The following GLI3 variants were observed in gnomAD, a reference collection of about 807,000 sequenced individuals.
GLI3 encodes GLI family zinc finger 3.
GLI3 carries 20 observed loss-of-function variants against 100.8 expected under a neutral mutation model. That is an observed-to-expected ratio of 0.20 (90% confidence interval 0.14 to 0.29). The LOEUF is 0.29. Among genes scored for constraint, GLI3 ranks in the 10% least tolerant of loss-of-function variants. GLI3 has a pLI of 1.00. For synonymous variants in GLI3, 938 were observed against 860.5 expected (o/e 1.09, Z -1.58); for missense variants, 2,040 against 2,128.5 (o/e 0.96, Z 0.82).
chr7:42,176,643 T>C (rs117671108), intron 2 of GLI3, among the ~76,000 whole-genome samples: 30 of 152,350 alleles, frequency 2.0e-4, no homozygotes, highest in Non-Finnish European at 3.5e-4. Flanking sequence ...CCCTAGGCTA[T>C]TGAGAAAAAT....
intron 10 of GLI3, among the ~76,000 whole-genome samples, chr7:42,010,183 A>C (rs146393859): frequency 6.6e-6 from 1 of 152,278 alleles, no homozygotes; most frequent in Non-Finnish European, 1.5e-5. Flanking sequence ...TGACACTCGG[A>C]GCTGCTCCTG....
chr7:42,184,821 G>A (rs987989190), intron 2 of GLI3, among the ~76,000 whole-genome samples: 4 of 151,992 alleles, frequency 2.6e-5, no homozygotes, highest in Admixed American at 6.5e-5. Context: ...GTCTCAGTAC[G>A]ACTTGGGACA....
intron 9 of GLI3, among the ~76,000 whole-genome samples, chr7:42,023,932 C>T (rs1372859358): frequency 1.3e-5 from 2 of 151,966 alleles, no homozygotes; most frequent in Non-Finnish European, 2.9e-5. Flanking sequence ...AAACGTAAAA[C>T]AAACAAACAA....
chr7:42,245,704 C>T (rs1444943893), intron 1 of GLI3, among the ~76,000 whole-genome samples: 3 of 151,144 alleles, frequency 2.0e-5, no homozygotes, highest in Admixed American at 6.6e-5. Context: ...AAAAACAAAA[C>T]AAAACAAAAA....
chr7:41,965,932 C>T lies in GLI3; in HGVS notation c.3141G>A (p.Gln1047=), dbSNP rs201820452. ...GGCCGCCCTCGGGCCGCGTGTAATT[C>T]TGAAGCACGAGACTGCGCTTCTCCG... ...TSAEKRSLVL[Q]NYTRPEGGQS... The change falls in exon 15 of 15, where the codon CAG becomes CAA. Residue 1047 remains glutamine (Q), a synonymous_variant. Coordinates refer to ENST00000395925, the MANE Select transcript of GLI3 (RefSeq NM_000168.6). 5.6e-6 allele frequency: 9 copies of T among 1,613,082 alleles called. No individual in the cohort carries two copies. In the African/African-American group the frequency reaches 1.1e-4, roughly 19 times the overall value.
chr7:42,184,124 C>T (rs1229335490), intron 2 of GLI3, among the ~76,000 whole-genome samples: 1 of 152,240 alleles, frequency 6.6e-6, no homozygotes, highest in Non-Finnish European at 1.5e-5. Flanking sequence ...ATGCTAAGCA[C>T]TCTCTAGGAG....
Position 42,076,736 on chromosome 7 carries a change from A to T in GLI3, c.473+16T>A. 6.9e-7 allele frequency: 1 copy of T among 1,450,336 alleles called. No individual in the cohort carries two copies. Among genetic ancestry groups the T allele is most frequent in the Non-Finnish European group, 9.7e-7 (1 of 1,030,090 alleles). 89.8% of individuals were successfully genotyped at this position (1,450,336 alleles called of 1,614,324 possible). ...TCTCGTTCCATTTCATTAATGAAGA[A>T]AGTGTTAATACTTACATATGCAATG... On this transcript the variant is annotated intron_variant, in intron 4 of 14. Transcript: ENST00000395925.
At chr7:42,050,898 A>G (rs563517970) in intron 4 of GLI3, among the ~76,000 whole-genome samples, 1 of 152,206 alleles carries the variant, frequency 6.6e-6, no homozygotes, top group Non-Finnish European at 1.5e-5. Context: ...AGGAAAACCA[A>G]TCAGCATCTA....
At chr7:42,117,935 A>G (rs1307484435) in intron 3 of GLI3, among the ~76,000 whole-genome samples, 1 of 152,164 alleles carries the variant, frequency 6.6e-6, no homozygotes, top group African/African-American at 2.4e-5. Flanking sequence ...ACGGCACCAT[A>G]GTTAATTAAA....
intron 2 of GLI3, among the ~76,000 whole-genome samples, chr7:42,196,644 T>C (rs1239335349): frequency 6.6e-6 from 1 of 152,238 alleles, no homozygotes; most frequent in Non-Finnish European, 1.5e-5. Context: ...CTTATGAACC[T>C]GGTGAAGACA....
chr7:42,203,035 C>A (rs949673440), intron 2 of GLI3, among the ~76,000 whole-genome samples: 4 of 152,196 alleles, frequency 2.6e-5, no homozygotes, highest in African/African-American at 9.6e-5. Context: ...TCTTGAAGAA[C>A]AAGTGCGAGG....
At chr7:42,086,394 C>T (rs1785101970) in intron 3 of GLI3, among the ~76,000 whole-genome samples, 1 of 152,088 alleles carries the variant, frequency 6.6e-6, no homozygotes, top group Non-Finnish European at 1.5e-5. Context: ...GGCTTTTTAT[C>T]ATAGCTTATC....
At chr7:42,182,445 AAAT>A (rs1787611586) in intron 2 of GLI3, among the ~76,000 whole-genome samples, 1 of 151,022 alleles carries the variant, frequency 6.6e-6, no homozygotes, top group South Asian at 2.1e-4. Context: ...AAAATTAAAA[AAAT>A]AATAATAATA....
chr7:42,136,485 T>A (rs980213600), intron 3 of GLI3, among the ~76,000 whole-genome samples: 7 of 152,142 alleles, frequency 4.6e-5, no homozygotes, highest in African/African-American at 1.7e-4. Context: ...ATGGGAAATA[T>A]CACACATATG....
intron 2 of GLI3, among the ~76,000 whole-genome samples, chr7:42,197,736 A>G (rs1322425835): frequency 1.3e-5 from 2 of 152,220 alleles, no homozygotes; most frequent in African/African-American, 4.8e-5. Context: ...TAGCTACCCC[A>G]GACAGGAGAG....
Position 41,966,446 on chromosome 7 carries a change from G to A in GLI3, c.2627C>T (p.Ser876Phe). The stretch of plus-strand genomic sequence containing the variant: ...GCCCTCGGCCTGTGACGCCTCGCTG[G>A]AGCGGCGGCTGGAGAAGCAGGGCGA... ...GISPCFSSRR[S>F]SEASQAEGRP... The change falls in exon 15 of 15, where the codon TCC (serine) becomes TTC (phenylalanine). Residue 876 changes from serine to phenylalanine, a missense_variant. Physicochemically the swap from Ser to Phe is radical, Grantham distance 155. This residue lies in a region of GLI3 where 327 missense variants were observed against 338.7 expected (regional missense o/e 0.97). Coordinates refer to ENST00000395925, the MANE Select transcript of GLI3 (RefSeq NM_000168.6). This position sits in a 1 kb window ranked among gnomAD's most constrained non-coding sequence, Gnocchi z 5.8. The A allele has an allele frequency of 6.2e-7, 1 of 1,612,146 alleles. No individual in the cohort carries two copies. Among genetic ancestry groups the A allele is most frequent in the Non-Finnish European group, 8.5e-7 (1 of 1,179,582 alleles).
intron 4 of GLI3, among the ~76,000 whole-genome samples, chr7:42,055,505 G>A (rs1282642946): frequency 6.6e-6 from 1 of 152,004 alleles, no homozygotes; most frequent in Non-Finnish European, 1.5e-5. Flanking sequence ...CTGTGGTATG[G>A]CATTGCTCCC....
intron 1 of GLI3, among the ~76,000 whole-genome samples, chr7:42,228,784 C>G (rs185674908): frequency 1.3e-5 from 2 of 152,182 alleles, no homozygotes; most frequent in Admixed American, 1.3e-4. Flanking sequence ...TGTTTTTCTT[C>G]ATTAGCTGCC....
rs1484614649 is a variant in GLI3 at position 42,230,111 on chromosome 7, G to C, written c.-42-6816C>G. Among the ~76,000 whole-genome samples, 12 of 59,726 alleles carry C rather than the reference G, an allele frequency of 2.0e-4. 1 individual carries two copies. In the East Asian group the frequency reaches 2.5e-3, roughly 13 times the overall value. The allele number at this position is 59,726 out of a possible 152,430, so 39.2% of individuals were successfully genotyped here. A position where few individuals can be genotyped will look rare whatever the true frequency, so the allele number is the denominator to read the frequency against. ...GCAAGGGTTGGGCGGGGGGGGGGGG[G>C]GTGGAAAGCCCAACTTCATAAGTTC... On this transcript the variant is annotated intron_variant, in intron 1 of 14. Coordinates refer to ENST00000395925, the MANE Select transcript of GLI3 (RefSeq NM_000168.6).
Sources: gnomAD v4.1 joint callset for allele counts (sites outside exome capture counted in the v4.1 genomes callset) on GRCh38, gnomAD v4.1.1 for gene constraint, gnomAD v4.1.1 regional missense constraint, Gnocchi (gnomAD v3.1) non-coding constraint, MANE v1.5 for transcripts, NCBI Gene and HGNC (gene_info 2026-07-23, HGNC 2026-07-21) for gene names.